GLCCI1: variants seen among roughly 807,000 people sequenced by gnomAD.
GLCCI1 encodes the protein glucocorticoid induced 1.
In GLCCI1, 24 loss-of-function variants were observed where a neutral mutation model predicts 52.2. The observed-to-expected ratio is 0.46, with a 90% CI of 0.33 to 0.65. GLCCI1 has a LOEUF of 0.65. Ranked by LOEUF, GLCCI1 falls within the 30% of genes least tolerant of loss-of-function variation. The pLI is 0.02. For missense variants in GLCCI1, 704 were observed against 701.5 expected, an observed-to-expected ratio of 1.00 and a Z score of -0.04; for synonymous variants, 310 against 276.5, an observed-to-expected ratio of 1.12 and a Z score of -1.20.
Position 8,011,074 on chromosome 7 carries a change from A to G in GLCCI1, c.609+7015A>G, listed in dbSNP as rs371825426. Among the ~76,000 whole-genome samples the G allele has an allele frequency of 2.8e-3, 424 of 152,230 alleles. 3 individuals carry two copies. The highest frequency in any genetic ancestry group is 9.2e-3 in the African/African-American group (381 of 41,516). ...GTGGAGGTTGCAGTGAGCCGAGATC[A>G]TGTGACTACATTCCAGCCTGGGCAA... is the stretch of plus-strand genomic sequence containing the variant. On this transcript the variant is annotated intron_variant, in intron 2 of 7. Transcript: ENST00000223145.
At chr7:8,006,801 C>A (rs1345867785) in intron 2 of GLCCI1, among the ~76,000 whole-genome samples, 1 of 152,212 alleles carries the variant, frequency 6.6e-6, no homozygotes, top group Non-Finnish European at 1.5e-5. Flanking sequence ...CCATTAGGCC[C>A]ACCTCGTCTG....
At chr7:8,064,562 A>G (rs1461059383) in intron 5 of GLCCI1, among the ~76,000 whole-genome samples, 1 of 152,168 alleles carries the variant, frequency 6.6e-6, no homozygotes, top group Non-Finnish European at 1.5e-5. Context: ...CTTCTTGCCT[A>G]GGACTACCTT....
At chr7:8,070,891 T>C in intron 5 of GLCCI1, 30 bp from the exon 6 acceptor site, 1 of 1,577,122 alleles carries the variant, frequency 6.3e-7, no homozygotes, top group Non-Finnish European at 8.7e-7. Flanking sequence ...TGCACCAGCA[T>C]TTGGATGTTT....
In GLCCI1 at chr7:8,055,521, G is replaced by A; in HGVS notation, c.785G>A (p.Gly262Asp). 1.2e-6 allele frequency: 2 copies of A among 1,610,940 alleles called. No homozygotes were observed. Among genetic ancestry groups the A allele is most frequent in the Non-Finnish European group, 1.7e-6 (2 of 1,177,286 alleles). Residue 262 changes from glycine to aspartate, a missense_variant, in exon 4 of 8, where the codon GGC becomes GAC. This residue lies in a region of GLCCI1 where 547 missense variants were observed against 524.8 expected (regional missense o/e 1.04). Coordinates refer to ENST00000223145, the MANE Select transcript of GLCCI1 (RefSeq NM_138426.4). ...KEKDRQSPLH[G>D]NHITISHTQA... is the part of the protein sequence containing the mutation. Reference sequence around the variant, plus strand: ...AAAGATCGCCAGTCACCTCTTCATGGCAACCATATAACAATCAGTCACACT... The same window carrying A: ...AAAGATCGCCAGTCACCTCTTCATGACAACCATATAACAATCAGTCACACT...
intron 6 of GLCCI1, among the ~76,000 whole-genome samples, chr7:8,080,595 T>C (rs1198160443): frequency 1.3e-5 from 2 of 151,340 alleles, no homozygotes; most frequent in Non-Finnish European, 2.9e-5. Context: ...TTATTCTGCT[T>C]CTCTCTCAGA....
At chr7:7,998,090 T>C (rs1780973243) in intron 1 of GLCCI1, among the ~76,000 whole-genome samples, 1 of 151,932 alleles carries the variant, frequency 6.6e-6, no homozygotes, top group Non-Finnish European at 1.5e-5. Flanking sequence ...AGCAGTCTGA[T>C]TTAATTTTAC....
intron 5 of GLCCI1, among the ~76,000 whole-genome samples, chr7:8,068,109 T>C (rs1158026371): frequency 6.6e-6 from 1 of 152,218 alleles, no homozygotes; most frequent in Non-Finnish European, 1.5e-5. Flanking sequence ...CCTAGCACTT[T>C]GGGAGGCCAA....
chr7:8,032,286 T>G (rs1013435047), intron 3 of GLCCI1, among the ~76,000 whole-genome samples: 1 of 152,072 alleles, frequency 6.6e-6, no homozygotes, highest in African/African-American at 2.4e-5. Context: ...AATTTATACT[T>G]TTAAATCCAC....
At chr7:8,084,300 T>C (rs972098287) in intron 6 of GLCCI1, among the ~76,000 whole-genome samples, 4 of 152,196 alleles carry the variant, frequency 2.6e-5, no homozygotes, top group African/African-American at 7.2e-5. Flanking sequence ...AAAATACAAA[T>C]TCTGCTGAAA....
chr7:8,084,815 T>C, intron 6 of GLCCI1, 82 bp from the exon 7 acceptor site: 2 of 1,442,666 alleles, frequency 1.4e-6, no homozygotes, highest in Non-Finnish European at 1.9e-6. Flanking sequence ...AGTGGATAAA[T>C]TGTGCAAAAG....
chr7:8,023,551 T>A, intron 3 of GLCCI1, among the ~76,000 whole-genome samples: 1 of 147,634 alleles, frequency 6.8e-6, no homozygotes, highest in East Asian at 2.0e-4. Context: ...CCTAAATAAA[T>A]ACTCCTTAAA....
chr7:8,074,012 G>GTAAC (rs1562451124), intron 6 of GLCCI1, among the ~76,000 whole-genome samples: 3 of 152,180 alleles, frequency 2.0e-5, no homozygotes, highest in South Asian at 4.1e-4. Flanking sequence ...TTTTATATAT[G>GTAAC]TAACTATGCA....
At chr7:8,011,805 GTTGTTTT>G (rs1781267470) in intron 2 of GLCCI1, among the ~76,000 whole-genome samples, 1 of 151,018 alleles carries the variant, frequency 6.6e-6, no homozygotes, top group Non-Finnish European at 1.5e-5. Context: ...TGTTGTTGTT[GTTGTTTT>G]TTGTTTTTTT....
At chr7:8,050,179 G>T (rs1281959924) in intron 3 of GLCCI1, among the ~76,000 whole-genome samples, 1 of 152,058 alleles carries the variant, frequency 6.6e-6, no homozygotes, top group African/African-American at 2.4e-5. Flanking sequence ...GGATGTATAG[G>T]GGTAGATGTG....
intron 5 of GLCCI1, among the ~76,000 whole-genome samples, chr7:8,060,553 T>C (rs1036249729): frequency 6.6e-6 from 1 of 152,234 alleles, no homozygotes; most frequent in Non-Finnish European, 1.5e-5. Context: ...TGCTGGTTGT[T>C]CTAGATGTTT....
chr7:7,997,007 A>G (rs759357935), intron 1 of GLCCI1, among the ~76,000 whole-genome samples: 1 of 152,174 alleles, frequency 6.6e-6, no homozygotes, highest in East Asian at 1.9e-4. Flanking sequence ...TGGCCTATGT[A>G]TTTGGCTAAT....
At chr7:7,976,505 G>GAAAAAAAAAAAAAAAAAA (rs1562413230) in intron 1 of GLCCI1, among the ~76,000 whole-genome samples, 2 of 87,568 alleles carry the variant, frequency 2.3e-5, no homozygotes, top group African/African-American at 1.0e-4. Flanking sequence ...AAAAGGAAAG[G>GAAAAAAAAAAAAAAAAAA]AAAAAGGAAA....
chr7:7,971,576 A>G (rs1780353960), intron 1 of GLCCI1, among the ~76,000 whole-genome samples: 1 of 152,206 alleles, frequency 6.6e-6, no homozygotes, highest in African/African-American at 2.4e-5. Flanking sequence ...TGCTGCAACA[A>G]CATAATGGCC....
rs888271816 is a variant in GLCCI1, at chr7:8,025,737, G to T, written c.696+3168G>T. On this transcript the variant is annotated intron_variant, in intron 3 of 7. Coordinates refer to ENST00000223145, the MANE Select transcript of GLCCI1 (RefSeq NM_138426.4). The stretch of plus-strand genomic sequence containing the variant: ...AGAAAATGGGTCATCACATGTAGGG[G>T]ACCACTAATAACTTTAACAGCTGAC... Among the ~76,000 whole-genome samples the T allele has an allele frequency of 5.0e-4, 76 of 152,128 alleles. 1 individual carries two copies. The highest frequency in any genetic ancestry group is 5.4e-4 in the Non-Finnish European group (37 of 68,036).
Sources: allele counts gnomAD v4.1 joint callset (sites outside exome capture counted in the v4.1 genomes callset), GRCh38; gene constraint gnomAD v4.1.1; regional missense constraint gnomAD v4.1.1; transcripts MANE v1.5; gene names NCBI Gene and HGNC (gene_info 2026-07-23, HGNC 2026-07-21).